Variants in MTUS2 observed in about 807,000 individuals in gnomAD.
The protein encoded by MTUS2 is microtubule-associated tumor suppressor candidate 2.
MTUS2 carries 40 observed loss-of-function variants against 114.1 expected under a neutral mutation model. The ratio of observed to expected loss-of-function variants is 0.35; its 90% CI spans 0.27 to 0.46. The LOEUF is 0.46. MTUS2 is among the 20% of genes least tolerant of loss of function. The pLI is 1.00. For missense variants in MTUS2, 1,679 were observed against 1,705.4 expected (o/e 0.98, Z 0.27); for synonymous variants, 688 against 672.0 (o/e 1.02, Z -0.37).
intron 2 of MTUS2, among the ~76,000 whole-genome samples, chr13:28,955,187 GC>G (rs1883000626): frequency 6.6e-6 from 1 of 152,136 alleles, no homozygotes. Flanking sequence ...CTGCGCCCCT[GC>G]CACCTGCCCA....
chr13:28,834,459 G>A (rs2137962936), intron 1 of MTUS2, among the ~76,000 whole-genome samples: 1 of 152,108 alleles, frequency 6.6e-6, no homozygotes, highest in East Asian at 1.9e-4. Flanking sequence ...TTAATAAATG[G>A]TGCTGGAATA....
chr13:29,078,276 A>G (rs1889287380), intron 4 of MTUS2, among the ~76,000 whole-genome samples: 2 of 152,228 alleles, frequency 1.3e-5, no homozygotes, highest in Admixed American at 1.3e-4. Flanking sequence ...CATTTAGAAG[A>G]GTCTTTGATC....
chr13:29,421,093 T>C (rs556370682), intron 8 of MTUS2, among the ~76,000 whole-genome samples: 3 of 152,334 alleles, frequency 2.0e-5, no homozygotes, highest in Admixed American at 6.5e-5. Context: ...CTGGTTATTA[T>C]ATCAAAGGTG....
At chr13:29,488,054 G>A (rs764181355) in intron 11 of MTUS2, 49 bp downstream of exon 11, 24 of 1,423,136 alleles carry the variant, frequency 1.7e-5, no homozygotes, top group Middle Eastern at 1.7e-4. Context: ...GGTGCAATCC[G>A]AGCCTTTCCT....
intron 5 of MTUS2, among the ~76,000 whole-genome samples, chr13:29,278,711 GC>G (rs1447016701): frequency 2.0e-5 from 3 of 152,328 alleles, no homozygotes; most frequent in Admixed American, 1.3e-4. Flanking sequence ...CTGTGTCACA[GC>G]AGTTTTTCAC....
intron 2 of MTUS2, among the ~76,000 whole-genome samples, chr13:29,013,127 C>CT (rs1479864691): frequency 6.6e-6 from 1 of 152,208 alleles, no homozygotes; most frequent in Non-Finnish European, 1.5e-5. Flanking sequence ...AATACATTGT[C>CT]TTTTCTGTGA....
At chr13:28,843,281 A>G (rs1875634037) in intron 2 of MTUS2, among the ~76,000 whole-genome samples, 1 of 151,790 alleles carries the variant, frequency 6.6e-6, no homozygotes, top group Non-Finnish European at 1.5e-5. Flanking sequence ...TTTTTTCTAC[A>G]TGTGATTCAG....
chr13:29,285,093 GAAAAA>G (rs534953462), intron 6 of MTUS2, among the ~76,000 whole-genome samples: 1 of 111,620 alleles, frequency 9.0e-6, no homozygotes, highest in African/African-American at 3.3e-5. Context: ...TGGTAAAAAA[GAAAAA>G]AAAAAGGAAA....
intron 5 of MTUS2, among the ~76,000 whole-genome samples, chr13:29,159,940 C>T (rs992034745): frequency 6.6e-6 from 1 of 152,220 alleles, no homozygotes; most frequent in African/African-American, 2.4e-5. Context: ...TTGGCAGTTT[C>T]ATGTAAAACT....
At chr13:29,218,814 G>A (rs1895785866) in intron 5 of MTUS2, among the ~76,000 whole-genome samples, 1 of 152,214 alleles carries the variant, frequency 6.6e-6, no homozygotes, top group Non-Finnish European at 1.5e-5. Context: ...GTAAATAGAT[G>A]TGCTATCATC....
chr13:28,910,862 T>G (rs1880379150), intron 2 of MTUS2, among the ~76,000 whole-genome samples: 1 of 10,500 alleles, frequency 9.5e-5, no homozygotes, highest in African/African-American at 3.0e-4. Flanking sequence ...TGGCTTTTTT[T>G]TTTTTTTTTT....
chr13:28,912,969 T>C (rs1433872482), intron 2 of MTUS2, among the ~76,000 whole-genome samples: 1 of 152,238 alleles, frequency 6.6e-6, no homozygotes, highest in Non-Finnish European at 1.5e-5. Flanking sequence ...TTTTGTATCC[T>C]GAGACTTTGC....
intron 7 of MTUS2, among the ~76,000 whole-genome samples, chr13:29,352,235 G>C (rs1869352560): frequency 6.6e-6 from 1 of 152,192 alleles, no homozygotes; most frequent in Admixed American, 6.5e-5. Context: ...CTGTGAAATG[G>C]AAATTTTACC....
intron 6 of MTUS2, among the ~76,000 whole-genome samples, chr13:29,305,539 G>A (rs948225465): frequency 6.6e-6 from 1 of 152,104 alleles, no homozygotes; most frequent in African/African-American, 2.4e-5. Flanking sequence ...AAATCTAGAA[G>A]AAATGAATAA....
At chr13:28,897,221 A>G (rs1879330959) in intron 2 of MTUS2, among the ~76,000 whole-genome samples, 1 of 152,156 alleles carries the variant, frequency 6.6e-6, no homozygotes, top group Non-Finnish European at 1.5e-5. Context: ...AAACAATCCC[A>G]TCAACAAGTG....
chr13:29,359,537 C>T (rs762370499), intron 8 of MTUS2, 64 bp downstream of exon 8: 223 of 1,518,688 alleles, frequency 1.5e-4, no homozygotes, highest in Admixed American at 1.8e-4. Flanking sequence ...GTGATGGTGA[C>T]GGTTGTTTGT....
rs141364952 is a variant in MTUS2 at position 29,005,307 on chromosome 13, G to T, written c.-242-19150G>T. Among the ~76,000 whole-genome samples, 28 of 152,296 alleles carry T rather than the reference G, an allele frequency of 1.8e-4. No individual in the cohort carries two copies. In the East Asian group the frequency reaches 4.6e-3, roughly 25 times the overall value. ...GGCTTGGGAGTTCTTAGGGGAAGTA[G>T]TGCTGGCCCAGCAGCTGGAGAGGGG... On this transcript the variant is annotated intron_variant, in intron 2 of 15. Coordinates refer to ENST00000612955, the MANE Select transcript of MTUS2 (RefSeq NM_001033602.4).
chr13:29,206,810 T>C (rs1412363321), intron 5 of MTUS2, among the ~76,000 whole-genome samples: 1 of 152,090 alleles, frequency 6.6e-6, no homozygotes, highest in African/African-American at 2.4e-5. Context: ...GGTGACTGTA[T>C]CCTTATAGTA....
intron 2 of MTUS2, among the ~76,000 whole-genome samples, chr13:28,931,336 A>G (rs1383152601): frequency 2.0e-5 from 3 of 152,214 alleles, no homozygotes; most frequent in African/African-American, 7.2e-5. Context: ...CCAAATCTCA[A>G]CTTCCCCAGG....
Sources: gnomAD v4.1 joint callset for allele counts (sites outside exome capture counted in the v4.1 genomes callset) on GRCh38, gnomAD v4.1.1 for gene constraint, MANE v1.5 for transcripts, NCBI Gene and HGNC (gene_info 2026-07-23, HGNC 2026-07-21) for gene names.